Variants in WASHC2C observed in about 807,000 individuals in gnomAD.
WASHC2C encodes the protein WASH complex subunit 2C.
A neutral mutation model predicts 142.2 loss-of-function variants in WASHC2C; 73 were observed. The ratio of observed to expected loss-of-function variants is 0.51; its 90% CI spans 0.43 to 0.62. WASHC2C has a LOEUF of 0.62. WASHC2C is among the 20% of genes least tolerant of loss of function. WASHC2C has a pLI of 0.00. For missense variants in WASHC2C, 969 were observed against 1,531.7 expected, an observed-to-expected ratio of 0.63 and a Z score of 6.13; for synonymous variants, 337 against 565.5, an observed-to-expected ratio of 0.60 and a Z score of 5.73.
At position 45,769,321 on chromosome 10, in the gene WASHC2C, T is replaced by C; in HGVS notation, c.1870-128T>C. 7.7e-6 allele frequency: 11 copies of C among 1,433,268 alleles called. No individual in the cohort carries two copies. In the South Asian group the frequency reaches 1.3e-4, roughly 17 times the overall value. 88.8% of individuals were successfully genotyped at this position (1,433,268 alleles called of 1,614,324 possible). ...TTTTAGTAGAGATGGGGTTTCACCG[T>C]GTTAGCAAGGATGGTCTTGATCTGC... On this transcript the variant is annotated intron_variant, in intron 19 of 30. Transcript: ENST00000623400.
chr10:45,784,979 T>A, intron 25 of WASHC2C, 78 bp downstream of exon 25: 3 of 1,611,160 alleles, frequency 1.9e-6, no homozygotes, highest in Non-Finnish European at 2.5e-6. Context: ...GTTAGATGAT[T>A]AAGGAAAATC....
At chr10:45,758,159 T>G (rs2054563526) in intron 16 of WASHC2C, among the ~76,000 whole-genome samples, 1 of 152,108 alleles carries the variant, frequency 6.6e-6, no homozygotes, top group African/African-American at 2.4e-5. Flanking sequence ...GGGTGAGAAG[T>G]TTTGGCAAGA....
At chr10:45,749,292 G>A (rs1464164329) in intron 8 of WASHC2C, among the ~76,000 whole-genome samples, 8 of 148,604 alleles carry the variant, frequency 5.4e-5, no homozygotes, top group East Asian at 2.0e-4. Context: ...AAAATTAGCC[G>A]GGCGTGGTGG....
rs1349034448 is a variant in WASHC2C at position 45,755,222 on chromosome 10, T to C, written c.1420+107T>C. The C allele has an allele frequency of 3.5e-6, 5 of 1,425,100 alleles. No individual in the cohort carries two copies. The East Asian group carries it at 1.2e-4, about 35-fold the overall frequency. 88.3% of individuals were successfully genotyped at this position (1,425,100 alleles called of 1,614,324 possible). ...GTATCTCTTACAGTGCCAGAATCCCTTCTCCAGCATTCCTGTCATTGAGTT... is the reference window on the plus strand; with the variant it reads ...GTATCTCTTACAGTGCCAGAATCCCCTCTCCAGCATTCCTGTCATTGAGTT... On this transcript the variant is annotated intron_variant, in intron 15 of 30. Transcript: ENST00000623400.
chr10:45,759,152 T>TGTTCTCTTAACAGCCCCCTCA (rs1331725224), intron 16 of WASHC2C, among the ~76,000 whole-genome samples, 163 bp from the exon 17 acceptor site: 1 of 138,246 alleles, frequency 7.2e-6, no homozygotes, highest in East Asian at 2.0e-4. Flanking sequence ...TTTGTCTTGC[T>TGTTCTCTTAACAGCCCCCTCA]GTTCTCTTAA....
At chr10:45,766,993 G>A (rs184025677) in intron 19 of WASHC2C, among the ~76,000 whole-genome samples, 14 of 152,202 alleles carry the variant, frequency 9.2e-5, no homozygotes, top group African/African-American at 9.7e-5. Flanking sequence ...GCGGCCGGGC[G>A]TGGTAGCTCA....
intron 26 of WASHC2C, 163 bp from the exon 27 acceptor site, chr10:45,786,449 T>G: frequency 1.2e-6 from 1 of 841,716 alleles, no homozygotes; most frequent in Non-Finnish European, 2.0e-6. Flanking sequence ...CGTGAAGTAG[T>G]GCTAGTGAAA....
intron 21 of WASHC2C, 135 bp downstream of exon 21, chr10:45,773,493 G>C: frequency 1.0e-5 from 10 of 962,502 alleles, no homozygotes; most frequent in Non-Finnish European, 1.6e-5. Context: ...CCTGGTTTCA[G>C]AAAGAGATCT....
chr10:45,759,529 A>C, intron 17 of WASHC2C, 128 bp downstream of exon 17: 4 of 1,466,914 alleles, frequency 2.7e-6, no homozygotes, highest in Non-Finnish European at 3.7e-6. Context: ...TTTAAAAATT[A>C]TCTCTAGAGG....
At chr10:45,776,066 C>A (rs1450682839) in intron 21 of WASHC2C, among the ~76,000 whole-genome samples, 1 of 152,198 alleles carries the variant, frequency 6.6e-6, no homozygotes, top group African/African-American at 2.4e-5. Context: ...TGCCTTATCT[C>A]TTCTGAAATT....
At chr10:45,766,827 T>G (rs1468411135) in intron 19 of WASHC2C, among the ~76,000 whole-genome samples, 3 of 152,188 alleles carry the variant, frequency 2.0e-5, no homozygotes, top group Non-Finnish European at 4.4e-5. Context: ...ATTAAACATC[T>G]TCCTGTGTTA....
intron 28 of WASHC2C, among the ~76,000 whole-genome samples, chr10:45,788,313 A>G (rs2058195126): frequency 6.6e-6 from 1 of 152,218 alleles, no homozygotes; most frequent in African/African-American, 2.4e-5. Context: ...TTTCTAAGCC[A>G]TATTTCTTAT....
At chr10:45,742,504 T>C (rs1225737161) in intron 5 of WASHC2C, among the ~76,000 whole-genome samples, 54 of 152,052 alleles carry the variant, frequency 3.6e-4, no homozygotes, top group African/African-American at 7.7e-4. Context: ...TCGGTAGATA[T>C]TGGGTTTCAC....
intron 30 of WASHC2C, 29 bp downstream of exon 30, chr10:45,790,562 G>A: frequency 6.2e-7 from 1 of 1,611,952 alleles, no homozygotes; most frequent in South Asian, 1.1e-5. Flanking sequence ...ATCTGACCTA[G>A]AGAATTCTTA....
In WASHC2C at chr10:45,784,289, T is replaced by TACAC. The variant is rs1213117183; in HGVS notation, c.2479-274_2479-271dup. Among the ~76,000 whole-genome samples, 22 of 17,708 alleles carry TACAC rather than the reference T, an allele frequency of 1.2e-3. 1 individual carries two copies. Among genetic ancestry groups the TACAC allele is most frequent in the Admixed American group, 2.9e-3 (3 of 1,026 alleles). The allele number at this position is 17,708 out of a possible 152,430, so 11.6% of individuals were successfully genotyped here. ...ATATATATATATATATATATATATA[T>TACAC]ACACATATATATATATATATATACA... is the stretch of plus-strand genomic sequence containing the variant. On this transcript the variant is annotated intron_variant, in intron 23 of 30. Coordinates refer to ENST00000623400, the MANE Select transcript of WASHC2C (RefSeq NM_001330074.2).
intron 30 of WASHC2C, 98 bp downstream of exon 30, chr10:45,790,631 C>T: frequency 6.4e-7 from 1 of 1,554,836 alleles, no homozygotes; most frequent in Non-Finnish European, 8.8e-7. Flanking sequence ...CTGGAAAATG[C>T]ACCCCAGCGG....
At chr10:45,772,782 C>A (rs1554885126) in intron 20 of WASHC2C, among the ~76,000 whole-genome samples, 2 of 152,034 alleles carry the variant, frequency 1.3e-5, no homozygotes, top group African/African-American at 4.8e-5. Context: ...TAAATTATGT[C>A]TCGATAACGC....
At chr10:45,734,555 A>G (rs2050991883) in intron 3 of WASHC2C, among the ~76,000 whole-genome samples, 1 of 151,260 alleles carries the variant, frequency 6.6e-6, no homozygotes, top group Non-Finnish European at 1.5e-5. Context: ...TAAATGTTTC[A>G]TAAATAAATA....
At chr10:45,758,111 C>T (rs144118051) in intron 16 of WASHC2C, among the ~76,000 whole-genome samples, 832 of 152,004 alleles carry the variant, frequency 5.5e-3, no homozygotes, top group South Asian at 0.01. Context: ...GAATGTGTCT[C>T]GTGAATTTGC....
Sources: gnomAD v4.1 joint callset for allele counts (sites outside exome capture counted in the v4.1 genomes callset) on GRCh38, gnomAD v4.1.1 for gene constraint, MANE v1.5 for transcripts, NCBI Gene and HGNC (gene_info 2026-07-23, HGNC 2026-07-21) for gene names.